The following FBXO16 variants were observed in gnomAD, a reference collection of about 807,000 sequenced individuals.
FBXO16 encodes F-box protein 16, also known as F-box only protein 16.
A neutral mutation model predicts 41.0 loss-of-function variants in FBXO16; 31 were observed. That is an observed-to-expected ratio of 0.76 (90% CI 0.57 to 1.02). FBXO16 has a LOEUF of 1.02. Ranked by LOEUF, FBXO16 falls within the 50% of genes least tolerant of loss-of-function variation. The pLI is 0.00. For missense variants in FBXO16, 361 were observed against 346.2 expected (o/e 1.04, Z -0.34); for synonymous variants, 133 against 117.8 (o/e 1.13, Z -0.84).
chr8:28,488,881 C>T (rs890610026), intron 1 of FBXO16, among the ~76,000 whole-genome samples: 11 of 152,148 alleles, frequency 7.2e-5, no homozygotes, highest in African/African-American at 1.4e-4. Context: ...CACCTTCATG[C>T]GCTCTCTGCC....
chr8:28,456,281 A>C (rs1803037075), intron 5 of FBXO16, among the ~76,000 whole-genome samples: 1 of 152,254 alleles, frequency 6.6e-6, no homozygotes, highest in South Asian at 2.1e-4. Context: ...AAAAACTAAG[A>C]ACTCTAATAT....
intron 2 of FBXO16, among the ~76,000 whole-genome samples, chr8:28,482,292 T>C (rs1469413772): frequency 1.3e-5 from 2 of 152,120 alleles, no homozygotes; most frequent in African/African-American, 2.4e-5. Flanking sequence ...GTGCCTCTCA[T>C]AGCGGGGAGG....
At chr8:28,447,536 T>C in intron 6 of FBXO16, 1 of 400,228 alleles carries the variant, frequency 2.5e-6, no homozygotes, top group South Asian at 2.9e-5. Flanking sequence ...GATATACTGT[T>C]ACATTAAGAA....
At position 28,434,778 on chromosome 8, in the gene FBXO16, CGAGT is replaced by C. The variant is rs373398442; in HGVS notation, c.844-5379_844-5376del. On this transcript the variant is annotated intron_variant, in intron 7 of 8. Transcript: ENST00000380254. ...TCAGCCCCTTGCGGGAGGGAGCATGCGAGTGAGTGAGTGAGTGCGGGACCCAGTC... is the reference window on the plus strand; with the variant it reads ...TCAGCCCCTTGCGGGAGGGAGCATGCGAGTGAGTGAGTGCGGGACCCAGTC... Among the ~76,000 whole-genome samples, 597 of 152,270 alleles carry C rather than the reference CGAGT, an allele frequency of 3.9e-3. 3 individuals are homozygous for C. Among genetic ancestry groups the C allele is most frequent in the African/African-American group, 0.013 (543 of 41,524 alleles).
intron 4 of FBXO16, 77 bp downstream of exon 4, chr8:28,463,535 C>G: frequency 6.8e-7 from 1 of 1,465,838 alleles, no homozygotes; most frequent in Admixed American, 1.9e-5. Flanking sequence ...TGTGTTTCCC[C>G]TTAACTTCTA....
intron 4 of FBXO16, among the ~76,000 whole-genome samples, 192 bp downstream of exon 4, chr8:28,463,416 ATATG>A (rs1300095093): frequency 2.0e-5 from 3 of 150,366 alleles, no homozygotes; most frequent in Admixed American, 6.6e-5. Flanking sequence ...GTGTGTGTGT[ATATG>A]TATGTGTGTA....
intron 3 of FBXO16, among the ~76,000 whole-genome samples, chr8:28,468,075 G>C (rs1317142758): frequency 2.0e-5 from 3 of 152,084 alleles, no homozygotes; most frequent in Non-Finnish European, 4.4e-5. Flanking sequence ...ATCCATGGAG[G>C]GGTTAACTGT....
chr8:28,482,219 A>G (rs988151320), intron 2 of FBXO16, among the ~76,000 whole-genome samples: 1 of 152,188 alleles, frequency 6.6e-6, no homozygotes, highest in Non-Finnish European at 1.5e-5. Context: ...CTGGGGGAAA[A>G]TCAAATCCCA....
chr8:28,448,309 C>G (rs1802897794), intron 6 of FBXO16, among the ~76,000 whole-genome samples: 2 of 135,550 alleles, frequency 1.5e-5, no homozygotes, highest in Admixed American at 1.6e-4. Context: ...CTACCGCACT[C>G]TAGCCTGGGC....
At chr8:28,457,412 G>A (rs1377754259) in intron 4 of FBXO16, among the ~76,000 whole-genome samples, 2 of 152,172 alleles carry the variant, frequency 1.3e-5, no homozygotes, top group East Asian at 3.9e-4. Flanking sequence ...TGCTGATAAA[G>A]ACATACCTGA....
intron 3 of FBXO16, among the ~76,000 whole-genome samples, 165 bp downstream of exon 3, chr8:28,473,606 CT>C (rs1313049783): frequency 6.6e-6 from 1 of 152,168 alleles, no homozygotes; most frequent in African/African-American, 2.4e-5. Context: ...CTTCCTAAGC[CT>C]CCGGAACCAT....
chr8:28,479,059 T>C (rs1220340240), intron 2 of FBXO16, among the ~76,000 whole-genome samples: 1 of 152,140 alleles, frequency 6.6e-6, no homozygotes, highest in African/African-American at 2.4e-5. Context: ...TCTGCCACGA[T>C]GGAAAGCTCC....
At chr8:28,480,774 G>A (rs948906213) in intron 2 of FBXO16, among the ~76,000 whole-genome samples, 4 of 152,114 alleles carry the variant, frequency 2.6e-5, no homozygotes, top group African/African-American at 9.7e-5. Flanking sequence ...CAAAGTGCTG[G>A]GATTACAAGT....
At chr8:28,432,632 G>A (rs1802624716) in intron 7 of FBXO16, among the ~76,000 whole-genome samples, 1 of 152,114 alleles carries the variant, frequency 6.6e-6, no homozygotes, top group Non-Finnish European at 1.5e-5. Context: ...TTTCACAAAC[G>A]ACACCAACAT....
chr8:28,457,733 A>G (rs944381595), intron 4 of FBXO16, among the ~76,000 whole-genome samples: 3 of 152,228 alleles, frequency 2.0e-5, no homozygotes, highest in Non-Finnish European at 2.9e-5. Flanking sequence ...GACATAGCCC[A>G]ACCATATCAC....
intron 4 of FBXO16, among the ~76,000 whole-genome samples, chr8:28,462,658 T>C (rs1585908860): frequency 6.6e-6 from 1 of 152,206 alleles, no homozygotes; most frequent in Non-Finnish European, 1.5e-5. Context: ...TAATATCTGG[T>C]CTTGCCAAAC....
At position 28,433,678 on chromosome 8, in the gene FBXO16, A is replaced by G. The variant is rs965091490; in HGVS notation, c.844-4275T>C. Among the ~76,000 whole-genome samples the G allele has an allele frequency of 4.6e-5, 7 of 152,336 alleles. No homozygotes were observed. The East Asian group carries it at 1.3e-3, about 29-fold the overall frequency. ...CCTGTAAAATCCTTGTTCATTAATGATAAACATACCAATGCTTCCTTCTTC... is the reference window on the plus strand; with the variant it reads ...CCTGTAAAATCCTTGTTCATTAATGGTAAACATACCAATGCTTCCTTCTTC... On this transcript the variant is annotated intron_variant, in intron 7 of 8. Transcript: ENST00000380254.
In FBXO16 at chr8:28,463,726, C is replaced by T. The variant is rs752301917; in HGVS notation, c.228G>A (p.Lys76=). The change falls in exon 4 of 9, where the codon AAG becomes AAA. Residue 76 remains lysine (K), a synonymous_variant. Coordinates refer to ENST00000380254, the MANE Select transcript of FBXO16 (RefSeq NM_172366.4). The part of the protein sequence containing the change: ...SLSQQKFCCR[K]LQEKIPAEAL... ...CTTCTGCTGGAATTTTCTCTTGAAG[C>T]TTTCGACAGCAGAACTTTTGCTGGG... The T allele has an allele frequency of 2.5e-6, 4 of 1,614,220 alleles. No homozygotes were observed. In the South Asian group the frequency reaches 4.4e-5, roughly 18 times the overall value.
At chr8:28,437,694 G>A (rs566967693) in intron 7 of FBXO16, among the ~76,000 whole-genome samples, 104 of 152,250 alleles carry the variant, frequency 6.8e-4, no homozygotes, top group African/African-American at 2.4e-3. Context: ...GCAACATAGT[G>A]AGACCCTGTC....
Sources: allele counts gnomAD v4.1 joint callset (sites outside exome capture counted in the v4.1 genomes callset), GRCh38; gene constraint gnomAD v4.1.1; transcripts MANE v1.5; gene names NCBI Gene and HGNC (gene_info 2026-07-23, HGNC 2026-07-21).